The following CHD4 variants were observed in gnomAD, a reference collection of about 807,000 sequenced individuals.
CHD4 encodes ATP-dependent chromatin remodeler CHD4.
A neutral mutation model predicts 235.5 loss-of-function variants in CHD4; 35 were observed. The ratio of observed to expected loss-of-function variants is 0.15; its 90% CI spans 0.11 to 0.20. The LOEUF is 0.20. Ranked by LOEUF, CHD4 falls within the 10% of genes least tolerant of loss-of-function variation. CHD4 has a pLI of 1.00. For missense variants in CHD4, 1,329 were observed against 2,432.3 expected (o/e 0.55, Z 9.54); for synonymous variants, 900 against 850.2 (o/e 1.06, Z -1.02).
rs1362648020 is a variant in CHD4, at chr12:6,582,274, C to T, written c.4378G>A (p.Val1460Ile). 1 of 1,580,226 alleles carries T rather than the reference C, an allele frequency of 6.3e-7. No homozygotes were observed. The highest frequency in any genetic ancestry group is 1.4e-5 in the African/African-American group (1 of 72,972). ...GKSEKEFKAY[V>I]SLFMRHLCEP... ...CATAAATGCCGCATGAAAAGAGAGACATATGCCCTGTGTAAAGAAGTAGAG... is the reference window on the plus strand; with the variant it reads ...CATAAATGCCGCATGAAAAGAGAGATATATGCCCTGTGTAAAGAAGTAGAG... Residue 1460 changes from valine (V) to isoleucine (I), a missense_variant, in exon 30 of 40, where the codon GTC becomes ATC. Physicochemically the swap from Val to Ile is conservative, Grantham distance 29. Coordinates refer to ENST00000544040, the MANE Select transcript of CHD4 (RefSeq NM_001273.5).
chr12:6,582,063 A>T (rs1948204121), intron 30 of CHD4, 74 bp downstream of exon 30: 7 of 1,451,932 alleles, frequency 4.8e-6, no homozygotes, highest in South Asian at 3.0e-5. Context: ...TCAGCCTCCC[A>T]AAGTGCTGGG....
intron 34 of CHD4, 79 bp from the exon 35 acceptor site, chr12:6,578,625 A>G (rs971518329): frequency 6.9e-6 from 11 of 1,593,570 alleles, no homozygotes; most frequent in African/African-American, 6.7e-5. Context: ...ACTGTATGCT[A>G]CAAGAATCCA....
intron 33 of CHD4, chr12:6,579,506 C>A (rs1001380931): frequency 3.1e-5 from 5 of 160,694 alleles, no homozygotes; most frequent in Non-Finnish European, 6.8e-5. Flanking sequence ...ATTGTTTGAA[C>A]CCAGGAGGTG....
chr12:6,605,475 T>C (rs949681194), intron 2 of CHD4, among the ~76,000 whole-genome samples: 1 of 152,132 alleles, frequency 6.6e-6, no homozygotes, highest in African/African-American at 2.4e-5. Context: ...GGCCAGTTCA[T>C]GAAGCCACCC....
At chr12:6,575,154 T>C (rs987217465) in intron 37 of CHD4, among the ~76,000 whole-genome samples, 10 of 152,184 alleles carry the variant, frequency 6.6e-5, no homozygotes, top group African/African-American at 2.4e-4. Flanking sequence ...GGCCCTTTAA[T>C]AGAAAAGGTG....
intron 10 of CHD4, 122 bp from the exon 11 acceptor site, chr12:6,598,547 A>G (rs540950694): frequency 7.2e-6 from 6 of 831,750 alleles, no homozygotes; most frequent in Middle Eastern, 3.6e-4. Context: ...GCAGTGGCTC[A>G]TGCCTGAAAT....
At chr12:6,595,871 T>C in intron 13 of CHD4, 135 bp downstream of exon 13, 1 of 883,224 alleles carries the variant, frequency 1.1e-6, no homozygotes, top group Non-Finnish European at 1.7e-6. Flanking sequence ...GGCAGGAGAA[T>C]CGTTTGAACC....
At chr12:6,578,699 C>G in intron 34 of CHD4, 147 bp downstream of exon 34, 1 of 1,381,570 alleles carries the variant, frequency 7.2e-7, no homozygotes, top group South Asian at 1.2e-5. Context: ...CATTGGCCCA[C>G]TGACAACTAA....
At chr12:6,596,162 TCA>T (rs1565614291) in intron 12 of CHD4, 25 bp from the exon 13 acceptor site, 1 of 1,608,998 alleles carries the variant, frequency 6.2e-7, no homozygotes, top group East Asian at 2.2e-5. Context: ...GAGAAAACCC[TCA>T]GAGCCAGAAA....
At chr12:6,577,011 A>C (rs1176934881) in intron 37 of CHD4, among the ~76,000 whole-genome samples, 2 of 151,470 alleles carry the variant, frequency 1.3e-5, no homozygotes, top group Non-Finnish European at 1.5e-5. Context: ...ATCTCAGCTC[A>C]CTGAAATCTC....
intron 33 of CHD4, 72 bp downstream of exon 33, chr12:6,580,972 A>G (rs980541293): frequency 1.9e-6 from 3 of 1,561,882 alleles, no homozygotes; most frequent in Admixed American, 3.6e-5. Flanking sequence ...GCGCCACAGC[A>G]CTCCAGCCTG....
At chr12:6,579,846 G>A (rs1948145896) in intron 33 of CHD4, among the ~76,000 whole-genome samples, 1 of 151,694 alleles carries the variant, frequency 6.6e-6, no homozygotes, top group Non-Finnish European at 1.5e-5. Context: ...CACGAGGTCA[G>A]GAGGTGGAGA....
intron 37 of CHD4, among the ~76,000 whole-genome samples, chr12:6,574,437 A>G (rs1948033434): frequency 6.6e-6 from 1 of 152,224 alleles, no homozygotes; most frequent in South Asian, 2.1e-4. Context: ...GAGCTGTATT[A>G]AAGATTCTTT....
rs1948110384 is a variant in CHD4 at position 6,578,459 on chromosome 12, T to G, written c.5069A>C (p.Lys1690Thr). The change falls in exon 35 of 40, where the codon AAA (lysine) becomes ACA (threonine). Residue 1690 changes from lysine (K) to threonine (T), a missense_variant. Lys to Thr is a moderately conservative substitution (Grantham distance 78). Transcript: ENST00000544040. ...PKDLNDEKQK[K>T]NIKQRFMFNI... ...AAACATGAAACGTTGTTTAATATTT[T>G]TCTTCTGTTTCTCATCATTCAGGTC... 6.2e-7 allele frequency: 1 copy of G among 1,613,980 alleles called. No individual in the cohort carries two copies. The highest frequency in any genetic ancestry group is 1.7e-5 in the Admixed American group (1 of 59,974).
At chr12:6,592,367 G>A (rs373493199) in intron 19 of CHD4, 26 bp downstream of exon 19, 2 of 1,557,036 alleles carry the variant, frequency 1.3e-6, no homozygotes, top group African/African-American at 1.4e-5. Context: ...TCTAAATGGA[G>A]TCTGCTTCTG....
In CHD4 at chr12:6,598,422, G is replaced by C. The variant is rs1226303367; in HGVS notation, c.1486C>G (p.Pro496Ala). The C allele has an allele frequency of 6.3e-7, 1 of 1,589,834 alleles. No homozygotes were observed. Among genetic ancestry groups the C allele is most frequent in the Non-Finnish European group, 8.6e-7 (1 of 1,167,136 alleles). ...GEWLCPRCTC[P>A]ALKGKVQKIL... ...TTCTGCACTTTGCCCTTCAGAGCTGGACACTGAGAGAAAAAGAGACAACTT... is the reference window on the plus strand; with the variant it reads ...TTCTGCACTTTGCCCTTCAGAGCTGCACACTGAGAGAAAAAGAGACAACTT... Residue 496 changes from proline (P) to alanine (A), a missense_variant, in exon 11 of 40, where the codon CCA becomes GCA. Physicochemically the swap from Pro to Ala is conservative, Grantham distance 27. Transcript: ENST00000544040.
At position 6,595,988 on chromosome 12, in the gene CHD4, T is replaced by G. The variant is rs749992297; in HGVS notation, c.2024+18A>C. ...AAAAAAAAAGAAACAACTCTATGCC[T>G]CACCCAAAATCACTCACCTGTGATT... On this transcript the variant is annotated intron_variant, in intron 13 of 39. Coordinates refer to ENST00000544040, the MANE Select transcript of CHD4 (RefSeq NM_001273.5). 3 of 1,590,774 alleles carry G rather than the reference T, an allele frequency of 1.9e-6. No individual in the cohort carries two copies.
At chr12:6,596,486 T>TAAAA (rs765949049) in intron 12 of CHD4, among the ~76,000 whole-genome samples, 2 of 109,320 alleles carry the variant, frequency 1.8e-5, no homozygotes, top group Non-Finnish European at 3.8e-5. Flanking sequence ...CCGTCTCTAC[T>TAAAA]AAAAAAAAAA....
At chr12:6,596,762 T>G (rs1948504886) in intron 12 of CHD4, among the ~76,000 whole-genome samples, 2 of 151,520 alleles carry the variant, frequency 1.3e-5, no homozygotes, top group South Asian at 2.1e-4. Flanking sequence ...ATTGCGCCAC[T>G]GCACTCCAGC....
Sources: allele counts gnomAD v4.1 joint callset (sites outside exome capture counted in the v4.1 genomes callset), GRCh38; gene constraint gnomAD v4.1.1; transcripts MANE v1.5; gene names NCBI Gene and HGNC (gene_info 2026-07-23, HGNC 2026-07-21).